CREBBP: variants seen among roughly 807,000 people sequenced by gnomAD.
The protein encoded by CREBBP is CREB-binding protein.
In CREBBP, 19 loss-of-function variants were observed where a neutral mutation model predicts 265.0. That is an observed-to-expected ratio of 0.07 (90% confidence interval 0.05 to 0.11). The LOEUF (loss-of-function observed/expected upper bound fraction) is 0.11. Among genes scored for constraint, CREBBP ranks in the 10% least tolerant of loss-of-function variants. The pLI, the probability that CREBBP is intolerant of heterozygous loss-of-function variation, is 1.00. For missense variants in CREBBP, 2,525 were observed against 3,219.0 expected (o/e 0.78, Z 5.22); for synonymous variants, 1,457 against 1,223.7 (o/e 1.19, Z -3.98).
At chr16:3,835,775 T>C (rs1465370905) in intron 2 of CREBBP, among the ~76,000 whole-genome samples, 1 of 151,142 alleles carries the variant, frequency 6.6e-6, no homozygotes, top group African/African-American at 2.4e-5. Context: ...GAGATGGGGG[T>C]TTCACCACGT....
intron 13 of CREBBP, among the ~76,000 whole-genome samples, chr16:3,772,510 G>C (rs998584889): frequency 6.6e-6 from 1 of 152,118 alleles, no homozygotes; most frequent in Admixed American, 6.5e-5. Context: ...AACACACTGA[G>C]CTGCTTGTTT....
In CREBBP at chr16:3,778,244, G is replaced by A. The variant is rs2053192779; in HGVS notation, c.1942-62C>T. 4 of 1,353,660 alleles carry A rather than the reference G, an allele frequency of 3.0e-6. No homozygotes were observed. The Admixed American group carries it at 6.8e-5, about 23-fold the overall frequency. 83.9% of individuals were successfully genotyped at this position (1,353,660 alleles called of 1,614,324 possible). A position where few individuals can be genotyped will look rare whatever the true frequency, so the allele number is the denominator to read the frequency against. On this transcript the variant is annotated intron_variant, in intron 9 of 30. Transcript: ENST00000262367. Reference sequence around the variant, plus strand: ...ACTGTAAAAAGCAACTGAATGATCTGTGTTGTAGGTTCTAACTAATGAACT... The same window carrying A: ...ACTGTAAAAAGCAACTGAATGATCTATGTTGTAGGTTCTAACTAATGAACT...
chr16:3,751,776 C>T lies in CREBBP; in HGVS notation c.3729G>A (p.Glu1243=), dbSNP rs772122640. 6 of 1,614,140 alleles carry T rather than the reference C, an allele frequency of 3.7e-6. No individual in the cohort carries two copies. The highest frequency in any genetic ancestry group is 5.1e-6 in the Non-Finnish European group (6 of 1,180,038). Residue 1243 remains glutamate, a synonymous_variant, in exon 20 of 31, where the codon GAG becomes GAA. Coordinates refer to ENST00000262367, the MANE Select transcript of CREBBP (RefSeq NM_004380.3). ...RYHFCEKCFT[E]IQGENVTLGD... ...CCAGGGTCACATTCTCGCCCTGGAT[C>T]TCTGTGAAACACTTCTCACAGAAAT...
rs534866999 is a variant in CREBBP at position 3,771,314 on chromosome 16, C to G, written c.2464-328G>C. 2.6e-5 allele frequency among the ~76,000 whole-genome samples: 4 copies of G among 152,246 alleles called. No homozygotes were observed. The South Asian group carries it at 8.3e-4, about 32-fold the overall frequency. ...AAACTCCTGACCTCAAGTGATCCTC[C>G]CGCCTCGGCCTTCCAAAGTGCTGGG... On this transcript the variant is annotated intron_variant, in intron 13 of 30. Transcript: ENST00000262367.
chr16:3,765,270 C>T (rs988402101), intron 16 of CREBBP, among the ~76,000 whole-genome samples: 1 of 151,990 alleles, frequency 6.6e-6, no homozygotes, highest in Middle Eastern at 3.2e-3. Context: ...GGCACCGCGT[C>T]TGGCCGCCTG....
At chr16:3,749,388 T>A (rs1047214126) in intron 21 of CREBBP, among the ~76,000 whole-genome samples, 1 of 152,258 alleles carries the variant, frequency 6.6e-6, no homozygotes, top group African/African-American at 2.4e-5. Context: ...CTCATAGAAC[T>A]AAAACATCCA....
rs2054768100 is a variant in CREBBP at position 3,849,446 on chromosome 16, T to TGTGTGTGTGTG, written c.798+840_798+850dup. Among the ~76,000 whole-genome samples the TGTGTGTGTGTG allele has an allele frequency of 6.2e-4, 21 of 33,682 alleles. 1 individual carries two copies. The highest frequency in any genetic ancestry group is 5.7e-3 in the East Asian group (3 of 528). 22.1% of individuals were successfully genotyped at this position (33,682 alleles called of 152,430 possible). A position where few individuals can be genotyped will look rare whatever the true frequency, so the allele number is the denominator to read the frequency against. Reference sequence around the variant, plus strand: ...GTGTGTGTGTGTGTGTGTGTGTGTGTGTGTGTGTGTGTGTGTGTGTGTGTG... The same window carrying TGTGTGTGTGTG: ...GTGTGTGTGTGTGTGTGTGTGTGTGTGTGTGTGTGTGGTGTGTGTGTGTGTGTGTGTGTGTG... On this transcript the variant is annotated intron_variant, in intron 2 of 30. Transcript: ENST00000262367.
Position 3,793,431 on chromosome 16 carries a change from C to T in CREBBP, c.1171G>A (p.Val391Ile), listed in dbSNP as rs772332532. The T allele has an allele frequency of 6.2e-7, 1 of 1,614,156 alleles. No homozygotes were observed. Among genetic ancestry groups the T allele is most frequent in the Non-Finnish European group, 8.5e-7 (1 of 1,180,022 alleles). Residue 391 changes from valine to isoleucine, a missense_variant, in exon 4 of 31, where the codon GTT becomes ATT. Coordinates refer to ENST00000262367, the MANE Select transcript of CREBBP (RefSeq NM_004380.3). The part of the protein sequence containing the change: ...SLPHCRTMKN[V>I]LNHMTHCQAG... ...TGACAATGCGTCATGTGATTCAAAA[C>T]GTTTTTCATGGTTCGACAATGCGGG... is the stretch of plus-strand genomic sequence containing the variant.
In CREBBP at chr16:3,728,275, C is replaced by T. The variant is rs2151301597; in HGVS notation, c.6772G>A (p.Gly2258Ser). ...QRMQQHLPLQ[G>S]SSMGQMAAQM... ...GCCGCCATCTGGCCCATGGAGCTGC[C>T]CTGGAGGGGGAGATGCTGCTGCATG... The change falls in exon 31 of 31, where the codon GGC (glycine) becomes AGC (serine). Residue 2258 changes from glycine to serine, a missense_variant. By Grantham distance (56) the Gly-to-Ser change is moderately conservative. Transcript: ENST00000262367. The surrounding 1 kb of genome is among the most constrained non-coding windows in gnomAD (Gnocchi z 8.7). 6.2e-7 allele frequency: 1 copy of T among 1,612,296 alleles called. No homozygotes were observed. Among genetic ancestry groups the T allele is most frequent in the Non-Finnish European group, 8.5e-7 (1 of 1,179,624 alleles).
At chr16:3,831,372 C>CT (rs1278895972) in intron 2 of CREBBP, among the ~76,000 whole-genome samples, 6 of 151,902 alleles carry the variant, frequency 3.9e-5, no homozygotes, top group African/African-American at 1.5e-4. Context: ...ATTTGGGGTA[C>CT]TTTTTTATGT....
chr16:3,770,849 T>C lies in CREBBP; in HGVS notation c.2601A>G (p.Pro867=), dbSNP rs773476527. 1.2e-5 allele frequency: 19 copies of C among 1,613,676 alleles called. No homozygotes were observed. The African/African-American group carries it at 1.7e-4, about 15-fold the overall frequency. ...CAGGTGGTGTCGTGTGCTGGAGAGA[T>C]GGCATGCCAGCAGCCGTGGAAGCAG... The part of the protein sequence containing the change: ...PPPASTAAGM[P]SLQHTTPPGM... The change falls in exon 14 of 31, where the codon CCA becomes CCG. Residue 867 remains proline (P), a synonymous_variant. Transcript: ENST00000262367.
At chr16:3,851,075 T>A in intron 1 of CREBBP, 66 bp from the exon 2 acceptor site, 1 of 1,363,318 alleles carries the variant, frequency 7.3e-7, no homozygotes, top group South Asian at 1.2e-5. Context: ...ACTGCCACGT[T>A]TCTATGATCT....
At chr16:3,738,163 C>T (rs561805578) in intron 26 of CREBBP, among the ~76,000 whole-genome samples, 13 of 152,126 alleles carry the variant, frequency 8.5e-5, no homozygotes, top group African/African-American at 3.1e-4. Flanking sequence ...TCAGGTGATC[C>T]ACCGCAGCAG....
intron 19 of CREBBP, among the ~76,000 whole-genome samples, chr16:3,755,303 A>C (rs893936591): frequency 7.9e-5 from 12 of 152,244 alleles, no homozygotes; most frequent in Non-Finnish European, 7.3e-5. Context: ...CAGCAAAGGC[A>C]GGGTACCAAC....
intron 10 of CREBBP, 35 bp from the exon 11 acceptor site, chr16:3,777,692 C>T (rs772740710): frequency 1.9e-6 from 3 of 1,610,012 alleles, no homozygotes; most frequent in Non-Finnish European, 2.5e-6. Context: ...AACAAAACCA[C>T]CCTAGTTATT....
chr16:3,740,265 G>A (rs2052170152), intron 24 of CREBBP, 134 bp downstream of exon 24: 3 of 990,436 alleles, frequency 3.0e-6, no homozygotes, highest in Non-Finnish European at 4.7e-6. Flanking sequence ...GCAGCTGAGG[G>A]GGCTACTGCA....
intron 16 of CREBBP, among the ~76,000 whole-genome samples, chr16:3,766,022 A>G (rs1485730307): frequency 6.6e-6 from 1 of 152,178 alleles, no homozygotes; most frequent in Non-Finnish European, 1.5e-5. Flanking sequence ...ACTTGTTTGA[A>G]GAGACTGATG....
intron 11 of CREBBP, among the ~76,000 whole-genome samples, chr16:3,775,473 A>C (rs1205768531): frequency 6.6e-6 from 1 of 152,130 alleles, no homozygotes; most frequent in Admixed American, 6.5e-5. Flanking sequence ...ATCTGACAGA[A>C]CCCTTTAGAG....
intron 2 of CREBBP, among the ~76,000 whole-genome samples, chr16:3,849,439 G>GTGATGTGCGTGACCT (rs2054760815): frequency 5.8e-5 from 1 of 17,218 alleles, no homozygotes; most frequent in African/African-American, 1.1e-4. Context: ...GTGTGTGTGT[G>GTGATGTGCGTGACCT]TGTGTGTGTG....
Sources: allele counts gnomAD v4.1 joint callset (sites outside exome capture counted in the v4.1 genomes callset), GRCh38; gene constraint gnomAD v4.1.1; non-coding constraint Gnocchi (gnomAD v3.1); transcripts MANE v1.5; gene names NCBI Gene and HGNC (gene_info 2026-07-23, HGNC 2026-07-21).